The following CD8B2 variants were observed in gnomAD, a reference collection of about 807,000 sequenced individuals.
The protein encoded by CD8B2 is CD8B family member 2, also known as T-cell surface glycoprotein CD8 beta-2 chain.
In CD8B2, 11 loss-of-function variants were observed where a neutral mutation model predicts 23.7. The observed-to-expected ratio is 0.46, with a 90% CI of 0.29 to 0.77. The LOEUF (loss-of-function observed/expected upper bound fraction) is 0.77. CD8B2 is among the 30% of genes least tolerant of loss of function. The pLI, the probability that CD8B2 is intolerant of heterozygous loss-of-function variation, is 0.09. For missense variants in CD8B2, 197 were observed against 270.5 expected (o/e 0.73, Z 1.91); for synonymous variants, 90 against 109.3 (o/e 0.82, Z 1.10).
At chr2:106,503,088 T>A (rs13414724) in intron 4 of CD8B2, among the ~76,000 whole-genome samples, 138,588 of 144,864 alleles carry the variant, frequency 0.96, 66,630 homozygotes, top group East Asian at 1. Context: ...CCCCAGAGAC[T>A]GGACTGTTTC....
intron 5 of CD8B2, among the ~76,000 whole-genome samples, chr2:106,519,480 C>T (rs150422980): frequency 6.6e-6 from 1 of 152,316 alleles, no homozygotes; most frequent in African/African-American, 2.4e-5. Flanking sequence ...ATAAGGGAAG[C>T]GCCTTACAGA....
intron 5 of CD8B2, among the ~76,000 whole-genome samples, chr2:106,534,407 A>G (rs1369982016): frequency 1.3e-5 from 2 of 152,204 alleles, no homozygotes; most frequent in Admixed American, 6.5e-5. Context: ...TGCCAACAAC[A>G]ACAACAACAC....
At chr2:106,533,084 G>T (rs1680014666) in intron 5 of CD8B2, among the ~76,000 whole-genome samples, 1 of 152,178 alleles carries the variant, frequency 6.6e-6, no homozygotes, top group African/African-American at 2.4e-5. Context: ...AGGATGGGAG[G>T]GTCTTAATTG....
At chr2:106,524,842 T>C (rs1679885785) in intron 5 of CD8B2, among the ~76,000 whole-genome samples, 1 of 152,168 alleles carries the variant, frequency 6.6e-6, no homozygotes, top group Non-Finnish European at 1.5e-5. Flanking sequence ...CCTGGAAAAC[T>C]GGGTGCCTCT....
chr2:106,508,757 T>C lies in CD8B2; in HGVS notation c.*1817T>C, dbSNP rs867259684. 1 of 152,328 alleles carries C rather than the reference T, an allele frequency of 6.6e-6. No individual in the cohort carries two copies. Among genetic ancestry groups the C allele is most frequent in the Admixed American group, 6.5e-5 (1 of 15,302 alleles). The allele number at this position is 152,328 out of a possible 1,614,324, so 9.4% of individuals were successfully genotyped here. ...AAGGCTGAGGTGAATTGACGCCCTA[T>C]GCGGATGAAGGGATGGCCCGTGCTT... is the stretch of plus-strand genomic sequence containing the variant. On this transcript the variant is annotated 3_prime_UTR_variant, in exon 6 of 6. Transcript: ENST00000643224.
chr2:106,540,559 T>C (rs74222505), intron 5 of CD8B2, among the ~76,000 whole-genome samples: 21,674 of 150,894 alleles, frequency 0.14, 1,852 homozygotes, highest in East Asian at 0.3. Flanking sequence ...CAAATAATCA[T>C]CCAAATACTC....
chr2:106,503,760 C>A (rs1679457221), intron 4 of CD8B2, among the ~76,000 whole-genome samples: 1 of 152,010 alleles, frequency 6.6e-6, no homozygotes, highest in African/African-American at 2.4e-5. Flanking sequence ...ATAATAAGAC[C>A]CCATTCCTAA....
chr2:106,521,023 G>GGAGAGAGA (rs70953586), intron 5 of CD8B2, among the ~76,000 whole-genome samples: 3 of 130,416 alleles, frequency 2.3e-5, no homozygotes, highest in African/African-American at 8.6e-5. Context: ...ATGTTTTAAG[G>GGAGAGAGA]GAGAGAGAGA....
At chr2:106,504,267 C>A in intron 4 of CD8B2, 22 bp from the exon 5 acceptor site, 12 of 1,555,726 alleles carry the variant, frequency 7.7e-6, no homozygotes, top group Non-Finnish European at 1.0e-5. Context: ...CACTGACTGG[C>A]GCCCTTGCTT....
rs1197292443 is a variant in CD8B2, at chr2:106,488,736, G to A, written c.43+1267G>A. On this transcript the variant is annotated intron_variant, in intron 1 of 5. Transcript: ENST00000643224. ...CTTCCTGAGTCTCTCTTTCCTCATG[G>A]ATAAAGTAGTTGCAAAACAGTATCT... Among the ~76,000 whole-genome samples, 3 of 152,096 alleles carry A rather than the reference G, an allele frequency of 2.0e-5. No individual in the cohort carries two copies. In the East Asian group the frequency reaches 5.8e-4, roughly 29 times the overall value.
At chr2:106,524,239 G>A (rs1294308853) in intron 5 of CD8B2, among the ~76,000 whole-genome samples, 1 of 152,106 alleles carries the variant, frequency 6.6e-6, no homozygotes, top group Non-Finnish European at 1.5e-5. Context: ...GCAGGTTGTG[G>A]GTCAGAGTTC....
At chr2:106,495,147 G>A (rs1176503631) in intron 2 of CD8B2, among the ~76,000 whole-genome samples, 7 of 152,088 alleles carry the variant, frequency 4.6e-5, no homozygotes, top group Non-Finnish European at 8.8e-5. Flanking sequence ...ATCCCAAGAA[G>A]GAGGTGGCAG....
At chr2:106,535,062 T>C (rs1680065559) in intron 5 of CD8B2, 1 of 152,238 alleles carries the variant, frequency 6.6e-6, no homozygotes, top group Non-Finnish European at 1.5e-5. Context: ...CCCCAAGTGA[T>C]CCACCTGCCT....
exon 6 of CD8B2, chr2:106,544,027 T>C (rs759073365): frequency 7.5e-6 from 3 of 398,540 alleles, no homozygotes; most frequent in Non-Finnish European, 1.3e-5. Context: ...CATTTCCCCA[T>C]GGATGCCTAG....
At chr2:106,519,933 G>T (rs1186854846) in intron 5 of CD8B2, among the ~76,000 whole-genome samples, 1 of 152,180 alleles carries the variant, frequency 6.6e-6, no homozygotes, top group Non-Finnish European at 1.5e-5. Flanking sequence ...GTACCATTCT[G>T]TTCCGCTTGA....
rs1466554974 is a variant in CD8B2 at position 106,490,980 on chromosome 2, G to A, written c.150G>A (p.Met50Ile). The A allele has an allele frequency of 6.8e-6, 11 of 1,613,874 alleles. No homozygotes were observed. The African/African-American group carries it at 1.1e-4, about 16-fold the overall frequency. Residue 50 changes from methionine (M) to isoleucine (I), a missense_variant, in exon 2 of 6, where the codon ATG becomes ATA. Met to Ile is a conservative substitution (Grantham distance 10, BLOSUM62 1). Around this residue, in one of 3 missense-constraint regions of CD8B2, gnomAD observed 140 missense variants for 164.2 expected, o/e 0.85. Transcript: ENST00000643224. Reference protein sequence around the residue: ...SCEAKISLSNMCIYWLRQRQA... With the variant: ...SCEAKISLSNICIYWLRQRQA... ...AGGCTAAAATCTCCCTCAGTAACAT[G>A]TGCATCTACTGGCTGAGACAGCGCC...
chr2:106,535,637 C>G (rs1306364695), intron 5 of CD8B2, among the ~76,000 whole-genome samples: 1 of 152,112 alleles, frequency 6.6e-6, no homozygotes, highest in East Asian at 1.9e-4. Flanking sequence ...TACATCTTAC[C>G]CAGTTGCATA....
At chr2:106,540,779 G>C (rs1282027620) in intron 5 of CD8B2, among the ~76,000 whole-genome samples, 1 of 152,114 alleles carries the variant, frequency 6.6e-6, no homozygotes, top group African/African-American at 2.4e-5. Flanking sequence ...TGGCCAGGCT[G>C]GTATCGAACT....
rs187907898 is a variant in CD8B2, at chr2:106,533,494, G to A, written c.621-10498G>A. Reference sequence around the variant, plus strand: ...TGAAATCCTATGCCTCAGAGACCCCGTGCTACACAGGGTCTCTTGCCTAAG... The same window carrying A: ...TGAAATCCTATGCCTCAGAGACCCCATGCTACACAGGGTCTCTTGCCTAAG... On this transcript the variant is annotated intron_variant, in intron 5 of 5. Coordinates refer to the CD8B2 transcript ENST00000416057. Among the ~76,000 whole-genome samples the A allele has an allele frequency of 4.4e-3, 664 of 152,180 alleles. 3 individuals are homozygous for A. The highest frequency in any genetic ancestry group is 0.015 in the African/African-American group (638 of 41,506).
Sources: gnomAD v4.1 joint callset for allele counts (sites outside exome capture counted in the v4.1 genomes callset) on GRCh38, gnomAD v4.1.1 for gene constraint, gnomAD v4.1.1 regional missense constraint, MANE v1.5 for transcripts, NCBI Gene and HGNC (gene_info 2026-07-23, HGNC 2026-07-21) for gene names.